Variants in ZFPM1 observed in about 807,000 individuals in gnomAD.
ZFPM1 encodes zinc finger protein ZFPM1.
In ZFPM1, 28 loss-of-function variants were observed where a neutral mutation model predicts 46.3. The ratio of observed to expected loss-of-function variants is 0.60; its 90% CI spans 0.45 to 0.83. The LOEUF (loss-of-function observed/expected upper bound fraction) is 0.83, where lower values mean the gene tolerates loss of function less well. Among genes scored for constraint, ZFPM1 ranks in the 40% least tolerant of loss-of-function variants. The pLI, the probability that ZFPM1 is intolerant of heterozygous loss-of-function variation, is 0.00. For missense variants in ZFPM1, 1,878 were observed against 1,432.4 expected, an observed-to-expected ratio of 1.31 and a Z score of -5.02; for synonymous variants, 957 against 675.9, an observed-to-expected ratio of 1.42 and a Z score of -6.45.
Position 88,534,143 on chromosome 16 carries a change from C to G in ZFPM1, c.2185C>G (p.Pro729Ala). The stretch of plus-strand genomic sequence containing the variant: ...CCCGGGACCCCCTGGGCCGGCCGCG[C>G]CCCCGGCCCCCTCTCCCGCCGCGCC... ...APPGPPGPAAPPAPSPAAPVR... is the reference protein window; with the variant it reads ...APPGPPGPAAAPAPSPAAPVR... Residue 729 changes from proline to alanine, a missense_variant, in exon 10 of 10, where the codon CCC (proline) becomes GCC (alanine). Physicochemically the swap from Pro to Ala is conservative, Grantham distance 27 (BLOSUM62 -1). Transcript: ENST00000319555. 5.0e-6 allele frequency: 5 copies of G among 1,002,814 alleles called. No individual in the cohort carries two copies. The South Asian group carries it at 1.3e-4, about 27-fold the overall frequency. 62.1% of individuals were successfully genotyped at this position (1,002,814 alleles called of 1,614,324 possible).
At chr16:88,484,048 C>A (rs1909086118) in intron 1 of ZFPM1, among the ~76,000 whole-genome samples, 1 of 152,230 alleles carries the variant, frequency 6.6e-6, no homozygotes, top group Non-Finnish European at 1.5e-5. Context: ...CGGGCGTTAG[C>A]AGGCTCCACC....
At chr16:88,491,151 A>G (rs1442962619) in intron 3 of ZFPM1, among the ~76,000 whole-genome samples, 1 of 151,820 alleles carries the variant, frequency 6.6e-6, no homozygotes, top group African/African-American at 2.4e-5. Context: ...CTGCGGAGTC[A>G]GCATGACAGG....
intron 6 of ZFPM1, among the ~76,000 whole-genome samples, chr16:88,529,027 C>T (rs1470181869): frequency 6.6e-6 from 1 of 152,234 alleles, no homozygotes; most frequent in African/African-American, 2.4e-5. Context: ...TACCTGTGAT[C>T]CCAGCACCGT....
chr16:88,508,296 C>CA (rs368950141), intron 3 of ZFPM1, among the ~76,000 whole-genome samples: 15 of 151,022 alleles, frequency 9.9e-5, no homozygotes, highest in Middle Eastern at 3.4e-3. Flanking sequence ...GATTCTGTCT[C>CA]AAAAAAAAAG....
intron 3 of ZFPM1, among the ~76,000 whole-genome samples, chr16:88,499,973 G>T (rs947417014): frequency 1.4e-4 from 21 of 152,322 alleles, no homozygotes; most frequent in Middle Eastern, 3.4e-3. Flanking sequence ...CTGGTGGTTG[G>T]GGGGCGGGGG....
chr16:88,513,909 T>C (rs1205765158), intron 3 of ZFPM1, among the ~76,000 whole-genome samples: 1 of 152,216 alleles, frequency 6.6e-6, no homozygotes, highest in Non-Finnish European at 1.5e-5. Flanking sequence ...TACTTGTCAT[T>C]GGTTTTAGGG....
intron 1 of ZFPM1, among the ~76,000 whole-genome samples, chr16:88,464,665 G>A (rs943817793): frequency 2.6e-5 from 4 of 152,264 alleles, no homozygotes; most frequent in Non-Finnish European, 4.4e-5. Flanking sequence ...GGCTCAAGCC[G>A]ATCATTCCCA....
chr16:88,531,871 G>A (rs1313741579), intron 6 of ZFPM1, 131 bp from the exon 7 acceptor site: 3 of 843,138 alleles, frequency 3.6e-6, no homozygotes, highest in African/African-American at 1.7e-5. Context: ...ACAGGAAGGG[G>A]TCAAAGCCTC....
intron 3 of ZFPM1, among the ~76,000 whole-genome samples, chr16:88,498,999 GC>G (rs1910097537): frequency 6.6e-6 from 1 of 152,210 alleles, no homozygotes; most frequent in African/African-American, 2.4e-5. Context: ...TCCACGCAAG[GC>G]CCTGTGGGCG....
At chr16:88,528,316 G>A (rs1338925510) in intron 6 of ZFPM1, 78 bp downstream of exon 6, 13 of 1,432,450 alleles carry the variant, frequency 9.1e-6, no homozygotes, top group Non-Finnish European at 1.0e-5. Context: ...GGTGGGAGCT[G>A]AGGGTGGGAA....
At chr16:88,525,021 C>T (rs1912201787) in intron 4 of ZFPM1, among the ~76,000 whole-genome samples, 1 of 152,230 alleles carries the variant, frequency 6.6e-6, no homozygotes, top group Non-Finnish European at 1.5e-5. Flanking sequence ...GACGTGGAAG[C>T]CACCTGCTCT....
At chr16:88,470,021 C>T (rs1199230456) in intron 1 of ZFPM1, among the ~76,000 whole-genome samples, 2 of 152,150 alleles carry the variant, frequency 1.3e-5, no homozygotes, top group Non-Finnish European at 2.9e-5. Flanking sequence ...TCCATAAATA[C>T]TCCCCAGCTG....
At chr16:88,465,607 A>G (rs1440746762) in intron 1 of ZFPM1, among the ~76,000 whole-genome samples, 1 of 152,146 alleles carries the variant, frequency 6.6e-6, no homozygotes, top group Non-Finnish European at 1.5e-5. Flanking sequence ...TACTTAATAA[A>G]TGTGGAGGGC....
chr16:88,500,404 G>C (rs189441001), intron 3 of ZFPM1, among the ~76,000 whole-genome samples: 1 of 152,234 alleles, frequency 6.6e-6, no homozygotes, highest in Admixed American at 6.5e-5. Flanking sequence ...AGCCACAAGC[G>C]TGTCGCTGGC....
intron 3 of ZFPM1, among the ~76,000 whole-genome samples, chr16:88,509,225 C>T (rs1328349387): frequency 6.6e-6 from 1 of 152,214 alleles, no homozygotes; most frequent in African/African-American, 2.4e-5. Flanking sequence ...TTTTTCTTTC[C>T]TTTTTTGTGA....
At chr16:88,498,396 G>A (rs1462204957) in intron 3 of ZFPM1, among the ~76,000 whole-genome samples, 1 of 152,182 alleles carries the variant, frequency 6.6e-6, no homozygotes, top group Non-Finnish European at 1.5e-5. Context: ...TATGGTGGAG[G>A]GACACGGGCC....
At chr16:88,484,821 T>G (rs1462705378) in intron 1 of ZFPM1, among the ~76,000 whole-genome samples, 1 of 152,168 alleles carries the variant, frequency 6.6e-6, no homozygotes, top group African/African-American at 2.4e-5. Context: ...TCAGCGCCAC[T>G]CCACAGCCAC....
At chr16:88,514,804 G>A (rs961816101) in intron 4 of ZFPM1, among the ~76,000 whole-genome samples, 4 of 152,188 alleles carry the variant, frequency 2.6e-5, no homozygotes, top group African/African-American at 4.8e-5. Flanking sequence ...TGAAGCAGAG[G>A]AGAAGAGCAT....
At chr16:88,483,627 G>A (rs1446440781) in intron 1 of ZFPM1, among the ~76,000 whole-genome samples, 2 of 152,134 alleles carry the variant, frequency 1.3e-5, no homozygotes, top group South Asian at 2.1e-4. Flanking sequence ...GTTTTCGGCC[G>A]GGGCCCATCT....
Sources: gnomAD v4.1 joint callset for allele counts (sites outside exome capture counted in the v4.1 genomes callset) on GRCh38, gnomAD v4.1.1 for gene constraint, MANE v1.5 for transcripts, NCBI Gene and HGNC (gene_info 2026-07-23, HGNC 2026-07-21) for gene names.